The following SLAIN2 variants were observed in gnomAD, a reference collection of about 807,000 sequenced individuals.
SLAIN2 encodes SLAIN family member 2, also known as SLAIN motif-containing protein 2.
SLAIN2 carries 31 observed loss-of-function variants against 56.6 expected under a neutral mutation model. That is an observed-to-expected ratio of 0.55 (90% CI 0.41 to 0.74). The LOEUF is 0.74. Ranked by LOEUF, SLAIN2 falls within the 30% of genes least tolerant of loss-of-function variation. SLAIN2 has a pLI of 0.00. For synonymous variants in SLAIN2, 317 were observed against 284.9 expected (o/e 1.11, Z -1.13); for missense variants, 777 against 754.2 (o/e 1.03, Z -0.35).
At chr4:48,371,646 T>C (rs776906408) in intron 2 of SLAIN2, among the ~76,000 whole-genome samples, 1 of 151,892 alleles carries the variant, frequency 6.6e-6, no homozygotes, top group Non-Finnish European at 1.5e-5. Flanking sequence ...AGGAGCATGA[T>C]TGAAAGAAAA....
At chr4:48,408,343 C>T (rs996013420) in intron 6 of SLAIN2, among the ~76,000 whole-genome samples, 6 of 149,582 alleles carry the variant, frequency 4.0e-5, no homozygotes, top group Non-Finnish European at 7.4e-5. Flanking sequence ...AAATCTAAAA[C>T]GAACAAAAAA....
chr4:48,419,717 C>T (rs950974382), intron 6 of SLAIN2, among the ~76,000 whole-genome samples: 5 of 152,128 alleles, frequency 3.3e-5, no homozygotes, highest in African/African-American at 9.7e-5. Context: ...TACATGTTTA[C>T]GTGAATGTTT....
At chr4:48,381,591 A>G (rs1172274336) in intron 4 of SLAIN2, among the ~76,000 whole-genome samples, 1 of 152,134 alleles carries the variant, frequency 6.6e-6, no homozygotes, top group Non-Finnish European at 1.5e-5. Flanking sequence ...GTTGGTTACT[A>G]TTTTGGTTCC....
chr4:48,363,966 C>T (rs1715429255), intron 1 of SLAIN2, among the ~76,000 whole-genome samples: 14 of 123,962 alleles, frequency 1.1e-4, no homozygotes, highest in South Asian at 3.0e-4. Context: ...GCTGGCCGGG[C>T]AGGGGGCTGA....
intron 6 of SLAIN2, among the ~76,000 whole-genome samples, chr4:48,387,644 A>G (rs1388424397): frequency 6.6e-6 from 1 of 152,012 alleles, no homozygotes; most frequent in Non-Finnish European, 1.5e-5. Context: ...TACTGTTCTC[A>G]AAAATGTATT....
At chr4:48,356,929 C>CTGTGT (rs1715170186) in intron 1 of SLAIN2, among the ~76,000 whole-genome samples, 1 of 152,062 alleles carries the variant, frequency 6.6e-6, no homozygotes, top group Non-Finnish European at 1.5e-5. Context: ...TTTGGGTTCA[C>CTGTGT]TGTGTTGTGT....
chr4:48,350,345 A>T (rs906228439), intron 1 of SLAIN2, among the ~76,000 whole-genome samples: 8 of 152,200 alleles, frequency 5.3e-5, no homozygotes, highest in African/African-American at 1.9e-4. Context: ...ACTTCCACTT[A>T]CGCAGACCCC....
At position 48,408,281 on chromosome 4, in the gene SLAIN2, T is replaced by G. The variant is rs1716752350; in HGVS notation, c.1361-11844T>G. ...AAGAGGTTGAGGCTGCAGTGAGGTG[T>G]GATCGCACCACTTCCAGCTTGGGCA... is the stretch of plus-strand genomic sequence containing the variant. On this transcript the variant is annotated intron_variant, in intron 6 of 7. Transcript: ENST00000264313. Among the ~76,000 whole-genome samples the G allele has an allele frequency of 2.0e-5, 3 of 151,730 alleles. No homozygotes were observed. In the South Asian group the frequency reaches 6.3e-4, roughly 32 times the overall value.
chr4:48,368,581 A>G (rs1715586879), intron 1 of SLAIN2, among the ~76,000 whole-genome samples: 1 of 152,068 alleles, frequency 6.6e-6, no homozygotes, highest in South Asian at 2.1e-4. Flanking sequence ...GGATATCAGT[A>G]TGTAATATTT....
intron 1 of SLAIN2, among the ~76,000 whole-genome samples, chr4:48,344,353 G>A (rs1714806035): frequency 6.6e-6 from 1 of 152,194 alleles, no homozygotes; most frequent in South Asian, 2.1e-4. Flanking sequence ...AGCAAGCTAA[G>A]AATCTACCTT....
intron 6 of SLAIN2, among the ~76,000 whole-genome samples, chr4:48,417,943 T>G (rs139956805): frequency 6.6e-6 from 1 of 152,322 alleles, no homozygotes; most frequent in African/African-American, 2.4e-5. Context: ...GTGTTTGTAT[T>G]TTTATCCAGT....
intron 6 of SLAIN2, among the ~76,000 whole-genome samples, chr4:48,384,313 A>G (rs1716047670): frequency 1.3e-5 from 2 of 152,210 alleles, no homozygotes; most frequent in South Asian, 2.1e-4. Context: ...AAAGTATACC[A>G]GGAGAACTCT....
In SLAIN2 at chr4:48,383,677, C is replaced by T. The variant is rs764602612; in HGVS notation, c.1253C>T (p.Ser418Phe). 6.2e-7 allele frequency: 1 copy of T among 1,604,066 alleles called. No homozygotes were observed. The highest frequency in any genetic ancestry group is 8.5e-7 in the Non-Finnish European group (1 of 1,174,024). The change falls in exon 6 of 8, where the codon TCC (serine) becomes TTC (phenylalanine). Residue 418 changes from serine to phenylalanine, a missense_variant. Coordinates refer to ENST00000264313, the MANE Select transcript of SLAIN2 (RefSeq NM_020846.2). ...CTAAGACGCAGTCTTCCAAACCTGT[C>T]CCGAACATCTAATACACAAGTTGAC... The part of the protein sequence containing the change: ...EKLRRSLPNL[S>F]RTSNTQVDSV...
At chr4:48,406,309 T>A (rs549550538) in intron 6 of SLAIN2, among the ~76,000 whole-genome samples, 2 of 152,340 alleles carry the variant, frequency 1.3e-5, no homozygotes, top group South Asian at 2.1e-4. Context: ...TATATTTTTT[T>A]AATATTAAAT....
At position 48,418,558 on chromosome 4, in the gene SLAIN2, T is replaced by A. The variant is rs190720895; in HGVS notation, c.1361-1567T>A. 1.7e-3 allele frequency among the ~76,000 whole-genome samples: 266 copies of A among 152,170 alleles called. 1 individual carries two copies. Among genetic ancestry groups the A allele is most frequent in the African/African-American group, 6.0e-3 (248 of 41,442 alleles). ...ATTGCTGGATTCTATTTTCTAATATTTTTTTAAGGATTTTTACATCTATAT... is the reference window on the plus strand; with the variant it reads ...ATTGCTGGATTCTATTTTCTAATATATTTTTAAGGATTTTTACATCTATAT... On this transcript the variant is annotated intron_variant, in intron 6 of 7. Transcript: ENST00000264313.
intron 2 of SLAIN2, among the ~76,000 whole-genome samples, chr4:48,372,119 A>G (rs1715687275): frequency 6.6e-6 from 1 of 151,984 alleles, no homozygotes; most frequent in Non-Finnish European, 1.5e-5. Flanking sequence ...CACCTTAGAA[A>G]TAATATAATT....
In SLAIN2 at chr4:48,377,119, T is replaced by C. The variant is rs574895679; in HGVS notation, c.539-777T>C. ...ACTTTAGGAGGCCAAGATAGGAGGATCACTTGACACCAGGAGTTTGAGACC... is the reference window on the plus strand; with the variant it reads ...ACTTTAGGAGGCCAAGATAGGAGGACCACTTGACACCAGGAGTTTGAGACC... On this transcript the variant is annotated intron_variant, in intron 2 of 7. Coordinates refer to ENST00000264313, the MANE Select transcript of SLAIN2 (RefSeq NM_020846.2). 2.6e-5 allele frequency among the ~76,000 whole-genome samples: 4 copies of C among 151,220 alleles called. No individual in the cohort carries two copies. In the South Asian group the frequency reaches 6.2e-4, roughly 24 times the overall value.
intron 6 of SLAIN2, among the ~76,000 whole-genome samples, chr4:48,419,819 C>G (rs1717099557): frequency 6.6e-6 from 1 of 152,190 alleles, no homozygotes; most frequent in Non-Finnish European, 1.5e-5. Flanking sequence ...ATGTGGCCCA[C>G]ATTAGTTGCT....
intron 1 of SLAIN2, among the ~76,000 whole-genome samples, chr4:48,369,129 A>G (rs190570146): frequency 2.3e-3 from 352 of 152,240 alleles, no homozygotes; most frequent in African/African-American, 7.7e-3. Flanking sequence ...AGCTATTTGC[A>G]TTTTTCATAT....
Sources: allele counts gnomAD v4.1 joint callset (sites outside exome capture counted in the v4.1 genomes callset), GRCh38; gene constraint gnomAD v4.1.1; transcripts MANE v1.5; gene names NCBI Gene and HGNC (gene_info 2026-07-23, HGNC 2026-07-21).